The following HYDIN variants were observed in gnomAD, a reference collection of about 807,000 sequenced individuals.
HYDIN encodes the protein axonemal central pair apparatus protein HYDIN.
Under a neutral mutation model 403.9 loss-of-function variants are expected in HYDIN, and 132 were observed. The ratio of observed to expected loss-of-function variants is 0.33; its 90% CI spans 0.28 to 0.38. The LOEUF (loss-of-function observed/expected upper bound fraction) is 0.38, where lower values mean the gene tolerates loss of function less well. HYDIN is among the 10% of genes least tolerant of loss of function. The pLI is 1.00. For synonymous variants in HYDIN, 1,202 were observed against 1,891.7 expected (o/e 0.64, Z 9.46); for missense variants, 2,827 against 5,009.5 (o/e 0.56, Z 13.15).
In HYDIN at chr16:70,895,477, G is replaced by A. The variant is rs532476680; in HGVS notation, c.9148+504C>T. 3.9e-5 allele frequency among the ~76,000 whole-genome samples: 6 copies of A among 152,162 alleles called. No homozygotes were observed. In the East Asian group the frequency reaches 1.2e-3, roughly 29 times the overall value. ...TGGCCCAACCTTGCTGTCTTTGAAT[G>A]TGGAGAAAGGGGACCATGTGGGCGG... On this transcript the variant is annotated intron_variant, in intron 54 of 85. Transcript: ENST00000393567.
intron 52 of HYDIN, among the ~76,000 whole-genome samples, chr16:70,902,604 GT>G (rs1359035713): frequency 2.1e-5 from 3 of 141,552 alleles, no homozygotes; most frequent in Non-Finnish European, 4.6e-5. Flanking sequence ...GGGCGACAGA[GT>G]GAGACTCTGT....
chr16:70,992,018 T>C (rs566006004), intron 24 of HYDIN, 52 bp downstream of exon 24: 105 of 1,611,222 alleles, frequency 6.5e-5, no homozygotes, highest in Admixed American at 3.2e-4. Flanking sequence ...TGTAAGTCCG[T>C]GTAAAGAAAA....
chr16:71,020,972 CCA>C (rs1420629356), intron 21 of HYDIN, among the ~76,000 whole-genome samples: 1 of 151,542 alleles, frequency 6.6e-6, no homozygotes, highest in African/African-American at 2.4e-5. Flanking sequence ...ATAGGGCCTT[CCA>C]CAGTGTCATA....
intron 23 of HYDIN, among the ~76,000 whole-genome samples, chr16:71,008,530 T>C (rs2079966015): frequency 6.6e-6 from 1 of 152,208 alleles, no homozygotes; most frequent in East Asian, 1.9e-4. Context: ...TTTGGCCATA[T>C]ACATCTGTCT....
chr16:70,931,342 A>G (rs936281454), intron 45 of HYDIN, among the ~76,000 whole-genome samples: 1 of 147,984 alleles, frequency 6.8e-6, no homozygotes, highest in African/African-American at 2.5e-5. Context: ...GCACACCACC[A>G]CAGATGGCCT....
chr16:71,229,455 T>C (rs965017254), intron 1 of HYDIN, among the ~76,000 whole-genome samples: 3 of 152,226 alleles, frequency 2.0e-5, no homozygotes, highest in Non-Finnish European at 4.4e-5. Flanking sequence ...AATACCTGTA[T>C]GGGAATATTT....
At chr16:71,227,313 G>C (rs558920667) in intron 1 of HYDIN, among the ~76,000 whole-genome samples, 1 of 152,174 alleles carries the variant, frequency 6.6e-6, no homozygotes, top group Admixed American at 6.5e-5. Context: ...AGCAGAATGA[G>C]ATACCACTAC....
At chr16:71,126,135 CT>C in intron 9 of HYDIN, among the ~76,000 whole-genome samples, 1 of 152,294 alleles carries the variant, frequency 6.6e-6, no homozygotes, top group African/African-American at 2.4e-5. Context: ...TGACCACCCC[CT>C]AGATCCAGTG....
rs1255382118 is a variant in HYDIN, at chr16:70,860,458, G to C, written c.11990+231C>G. Among the ~76,000 whole-genome samples the C allele has an allele frequency of 9.3e-5, 13 of 139,740 alleles. No individual in the cohort carries two copies. The East Asian group carries it at 1.6e-3, about 17-fold the overall frequency. The allele number at this position is 139,740 out of a possible 152,430, so 91.7% of individuals were successfully genotyped here. A position where few individuals can be genotyped will look rare whatever the true frequency, so the allele number is the denominator to read the frequency against. On this transcript the variant is annotated intron_variant, in intron 70 of 85. Transcript: ENST00000393567. ...ATGATCCTCTGTGGTTAAGGAGGTG[G>C]TCAGGGATTATACTTTTGTGTCTTC...
Position 71,151,964 on chromosome 16 carries a change from T to A in HYDIN, c.841+695A>T, listed in dbSNP as rs2085552529. Among the ~76,000 whole-genome samples, 3 of 152,246 alleles carry A rather than the reference T, an allele frequency of 2.0e-5. No individual in the cohort carries two copies. In the South Asian group the frequency reaches 6.2e-4, roughly 31 times the overall value. On this transcript the variant is annotated intron_variant, in intron 7 of 85. Coordinates refer to ENST00000393567, the MANE Select transcript of HYDIN (RefSeq NM_001270974.2). ...TGTTCTAAGGATTAAAGTAACTGGA[T>A]CTTAATAGACTAGTGGGCACATATA...
chr16:70,860,329 T>G, intron 70 of HYDIN, 123 bp from the exon 71 acceptor site: 1 of 979,136 alleles, frequency 1.0e-6, no homozygotes, highest in Non-Finnish European at 1.5e-6. Context: ...TTCAGAGCAC[T>G]TTGTTACTGT....
chr16:70,992,243 A>G (rs2079380730), intron 23 of HYDIN, 33 bp from the exon 24 acceptor site: 4 of 1,524,140 alleles, frequency 2.6e-6, no homozygotes, highest in Non-Finnish European at 3.5e-6. Flanking sequence ...ATAGGGGGAG[A>G]CAGGAGACAT....
At chr16:71,063,245 G>A (rs1385126594) in intron 16 of HYDIN, among the ~76,000 whole-genome samples, 5 of 152,160 alleles carry the variant, frequency 3.3e-5, no homozygotes, top group Middle Eastern at 3.2e-3. Context: ...CCTGGGGTAC[G>A]CCACAGTCTC....
Position 71,010,982 on chromosome 16 carries a change from T to C in HYDIN, c.3644+7147A>G, listed in dbSNP as rs550051811. Among the ~76,000 whole-genome samples, 3 of 152,334 alleles carry C rather than the reference T, an allele frequency of 2.0e-5. No homozygotes were observed. In the East Asian group the frequency reaches 5.8e-4, roughly 29 times the overall value. On this transcript the variant is annotated intron_variant, in intron 23 of 85. Transcript: ENST00000393567. ...GGCTAAAGCCTGGCTTTGGCCTTGA[T>C]GAATGCAGCCTGGTATAAGAAAAGG...
chr16:71,176,504 G>A (rs2086676999), intron 4 of HYDIN, among the ~76,000 whole-genome samples: 1 of 151,988 alleles, frequency 6.6e-6, no homozygotes, highest in Non-Finnish European at 1.5e-5. Context: ...TAATCTTTGA[G>A]CTTCATTTTG....
rs2083193059 is a variant in HYDIN, at chr16:71,093,895, G to A, written c.1368C>T (p.Gly456=). ...IRLPLRIKGE[G]MGPKIHFNFE... is the part of the protein sequence containing the mutation. ...AGTTGAAGTGAATCTTAGGTCCCAT[G>A]CCTTCCCCTTTGATTCGGAGGGGCA... Residue 456 remains glycine (G), a synonymous_variant, in exon 11 of 86, where the codon GGC becomes GGT. Transcript: ENST00000393567. 2 of 1,613,582 alleles carry A rather than the reference G, an allele frequency of 1.2e-6. No homozygotes were observed. The highest frequency in any genetic ancestry group is 1.7e-6 in the Non-Finnish European group (2 of 1,179,774).
chr16:71,191,733 G>C (rs978014688), intron 1 of HYDIN, among the ~76,000 whole-genome samples: 36 of 152,090 alleles, frequency 2.4e-4, no homozygotes, highest in African/African-American at 8.7e-4. Context: ...ATCCCACTCA[G>C]ATCTCTTCTG....
chr16:70,886,151 C>T (rs1294115994), intron 58 of HYDIN, among the ~76,000 whole-genome samples: 1 of 151,836 alleles, frequency 6.6e-6, no homozygotes, highest in Non-Finnish European at 1.5e-5. Flanking sequence ...AGCACCTCCT[C>T]CTCTGTGAAG....
chr16:71,001,759 C>A (rs1303637137), intron 23 of HYDIN, among the ~76,000 whole-genome samples: 1 of 151,240 alleles, frequency 6.6e-6, no homozygotes, highest in African/African-American at 2.4e-5. Flanking sequence ...GGGAAGAAAG[C>A]CACCAGCAGA....
Sources: gnomAD v4.1 joint callset for allele counts (sites outside exome capture counted in the v4.1 genomes callset) on GRCh38, gnomAD v4.1.1 for gene constraint, MANE v1.5 for transcripts, NCBI Gene and HGNC (gene_info 2026-07-23, HGNC 2026-07-21) for gene names.